The following DPH6 variants were observed in gnomAD, a reference collection of about 807,000 sequenced individuals.
The protein encoded by DPH6 is diphthine--ammonia ligase.
DPH6 carries 33 observed loss-of-function variants against 38.2 expected under a neutral mutation model. The observed-to-expected ratio is 0.86, with a 90% confidence interval of 0.65 to 1.15. The LOEUF (loss-of-function observed/expected upper bound fraction) is 1.15, where lower values mean the gene tolerates loss of function less well. DPH6 is among the 50% of genes most tolerant of loss of function. The pLI, the probability that DPH6 is intolerant of heterozygous loss-of-function variation, is 0.00. For missense variants in DPH6, 325 were observed against 320.0 expected (o/e 1.02, Z -0.12); for synonymous variants, 108 against 103.0 (o/e 1.05, Z -0.30).
chr15:35,455,321 A>G (rs567161356), intron 3 of DPH6, among the ~76,000 whole-genome samples: 20 of 152,314 alleles, frequency 1.3e-4, no homozygotes, highest in African/African-American at 4.8e-4. Context: ...TGCCTGGATA[A>G]CAGTATAGCA....
chr15:35,249,268 C>G (rs1314577422), intron 3 of DPH6, among the ~76,000 whole-genome samples: 2 of 152,070 alleles, frequency 1.3e-5, no homozygotes, highest in Non-Finnish European at 2.9e-5. Flanking sequence ...TAAAATTTCT[C>G]TAACACCTGA....
At chr15:35,236,304 C>A (rs1056606065) in intron 3 of DPH6, among the ~76,000 whole-genome samples, 3 of 151,950 alleles carry the variant, frequency 2.0e-5, no homozygotes, top group Admixed American at 1.3e-4. Context: ...GCCATGAAAC[C>A]CCTTAAAGGA....
intron 3 of DPH6, among the ~76,000 whole-genome samples, chr15:35,323,828 TG>T (rs1312221505): frequency 9.2e-5 from 14 of 152,252 alleles, no homozygotes; most frequent in African/African-American, 3.4e-4. Context: ...ATCAGAATTC[TG>T]CCGGAAATAA....
the DPH6 span, among the ~76,000 whole-genome samples, chr15:35,208,468 C>T: frequency 5.9e-4 from 90 of 152,258 alleles, no homozygotes; most frequent in African/African-American, 2.2e-3. Context: ...TGCTTGCAAA[C>T]GCCACCTGTT....
intron 3 of DPH6, among the ~76,000 whole-genome samples, chr15:35,260,554 T>C (rs1595450759): frequency 2.0e-5 from 3 of 151,504 alleles, no homozygotes; most frequent in Admixed American, 2.0e-4. Flanking sequence ...AATATTAAAC[T>C]TAAGTAATCT....
At chr15:35,417,286 A>C (rs544953501) in intron 5 of DPH6, among the ~76,000 whole-genome samples, 90 of 152,184 alleles carry the variant, frequency 5.9e-4, no homozygotes, top group African/African-American at 2.1e-3. Flanking sequence ...AGATCTTTTT[A>C]GTGTGAAAAA....
intron 5 of DPH6, among the ~76,000 whole-genome samples, chr15:35,440,301 C>T (rs940042802): frequency 6.6e-6 from 1 of 152,174 alleles, no homozygotes. Flanking sequence ...ATCTTAGCAA[C>T]CCTGACTATA....
intron 3 of DPH6, chr15:35,365,865 C>T: frequency 1.0e-6 from 1 of 985,202 alleles, no homozygotes; most frequent in Non-Finnish European, 1.2e-6. Flanking sequence ...TACCTACAGC[C>T]CAGCACCCAT....
At chr15:35,214,589 T>G (rs1427157470), downstream of DPH6, among the ~76,000 whole-genome samples, 1 of 152,196 alleles carries the variant, frequency 6.6e-6, no homozygotes, top group South Asian at 2.1e-4. Context: ...GCCACTATCA[T>G]TTTTCATCTG....
intron 6 of DPH6, among the ~76,000 whole-genome samples, chr15:35,395,850 A>G (rs920835987): frequency 1.3e-5 from 2 of 152,220 alleles, no homozygotes; most frequent in Admixed American, 1.3e-4. Context: ...GTTAGCATAG[A>G]ACTGGACACA....
intron 1 of DPH6, 32 bp from the exon 2 acceptor site, chr15:35,542,539 C>T (rs374134329): frequency 6.0e-6 from 9 of 1,510,472 alleles, no homozygotes; most frequent in Non-Finnish European, 8.2e-6. Context: ...GGACAAATAT[C>T]ATGCTACTGA....
the DPH6 span, among the ~76,000 whole-genome samples, chr15:35,190,169 A>G: frequency 6.6e-6 from 1 of 152,352 alleles, no homozygotes; most frequent in Admixed American, 6.5e-5. Flanking sequence ...TCCCTTTGGC[A>G]GTTCTGGTCT....
intron 3 of DPH6, among the ~76,000 whole-genome samples, chr15:35,238,366 G>A (rs979873441): frequency 6.6e-6 from 1 of 152,054 alleles, no homozygotes; most frequent in Non-Finnish European, 1.5e-5. Context: ...TTTATCGGGA[G>A]TAGTTGTCTT....
At chr15:35,375,710 A>C (rs759556301) in intron 7 of DPH6, among the ~76,000 whole-genome samples, 1 of 151,882 alleles carries the variant, frequency 6.6e-6, no homozygotes, top group Non-Finnish European at 1.5e-5. Flanking sequence ...TCATTACTAC[A>C]CTAGGCTCAC....
At chr15:35,251,239 G>A (rs1306264896) in intron 3 of DPH6, among the ~76,000 whole-genome samples, 1 of 152,078 alleles carries the variant, frequency 6.6e-6, no homozygotes, top group Non-Finnish European at 1.5e-5. Context: ...GGGGATACAA[G>A]TGCAGGTTTG....
chr15:35,426,618 G>A (rs2053573158), intron 5 of DPH6, among the ~76,000 whole-genome samples: 1 of 151,760 alleles, frequency 6.6e-6, no homozygotes, highest in Non-Finnish European at 1.5e-5. Flanking sequence ...AAATTGGGAA[G>A]GCTGCACAAT....
the DPH6 span, among the ~76,000 whole-genome samples, chr15:35,177,617 T>A: frequency 2.1e-5 from 3 of 144,150 alleles, no homozygotes; most frequent in Admixed American, 7.1e-5. Flanking sequence ...ATCATCATCA[T>A]CATCATCATC....
chr15:35,183,972 TAG>T, the DPH6 span, among the ~76,000 whole-genome samples: 1 of 152,200 alleles, frequency 6.6e-6, no homozygotes, highest in African/African-American at 2.4e-5. Context: ...AAAACACTGT[TAG>T]AGAGATGATC....
Position 35,525,640 on chromosome 15 carries a change from C to T in DPH6, c.312+12634G>A, listed in dbSNP as rs560865524. Among the ~76,000 whole-genome samples, 65 of 152,110 alleles carry T rather than the reference C, an allele frequency of 4.3e-4. 1 individual carries two copies. In the South Asian group the frequency reaches 9.8e-3, roughly 23 times the overall value. ...ATAGTAAGACTATGACAAAAATTGG[C>T]CACCCTGGGCAACATGATGAAACCT... On this transcript the variant is annotated intron_variant, in intron 3 of 8. Transcript: ENST00000256538.
Sources: gnomAD v4.1 joint callset for allele counts (sites outside exome capture counted in the v4.1 genomes callset) on GRCh38, gnomAD v4.1.1 for gene constraint, MANE v1.5 for transcripts, NCBI Gene and HGNC (gene_info 2026-07-23, HGNC 2026-07-21) for gene names.